The following HCK variants were observed in gnomAD, a reference collection of about 807,000 sequenced individuals.
HCK encodes the protein HCK proto-oncogene, Src family tyrosine kinase, also known as tyrosine-protein kinase HCK.
In HCK, 40 loss-of-function variants were observed where a neutral mutation model predicts 70.4. The observed-to-expected ratio is 0.57, with a 90% confidence interval of 0.44 to 0.74. The LOEUF (loss-of-function observed/expected upper bound fraction) is 0.74. Ranked by LOEUF, HCK falls within the 30% of genes least tolerant of loss-of-function variation. The pLI, the probability that HCK is intolerant of heterozygous loss-of-function variation, is 0.00. For synonymous variants in HCK, 245 were observed against 263.2 expected, an observed-to-expected ratio of 0.93 and a Z score of 0.67; for missense variants, 568 against 697.2, an observed-to-expected ratio of 0.81 and a Z score of 2.09.
intron 10 of HCK, among the ~76,000 whole-genome samples, chr20:32,092,792 T>A (rs927972064): frequency 6.6e-6 from 1 of 151,980 alleles, no homozygotes; most frequent in Non-Finnish European, 1.5e-5. Context: ...CGCCTTTGCA[T>A]CTCATGTTCT....
Position 32,093,886 on chromosome 20 carries a change from C to A in HCK, c.1116C>A (p.Ile372=). The A allele has an allele frequency of 6.2e-7, 1 of 1,612,554 alleles. No individual in the cohort carries two copies. Among genetic ancestry groups the A allele is most frequent in the Non-Finnish European group, 8.5e-7 (1 of 1,179,402 alleles). The change falls in exon 11 of 13, where the codon ATC becomes ATA. Residue 372 remains isoleucine (I), a synonymous_variant. Coordinates refer to ENST00000375852, the MANE Select transcript of HCK (RefSeq NM_002110.5). Reference sequence around the variant, plus strand: ...AGATTGCAGAAGGCATGGCCTTCATCGAGCAGAGGAACTACATCCACCGAG... The same window carrying A: ...AGATTGCAGAAGGCATGGCCTTCATAGAGCAGAGGAACTACATCCACCGAG...
chr20:32,061,037 G>A (rs944751438), intron 1 of HCK, among the ~76,000 whole-genome samples: 2 of 152,034 alleles, frequency 1.3e-5, no homozygotes, highest in Non-Finnish European at 2.9e-5. Flanking sequence ...AGGCTGGAGT[G>A]CAGTGGCGCA....
chr20:32,055,992 C>G (rs76650041), intron 1 of HCK, among the ~76,000 whole-genome samples: 2,361 of 152,340 alleles, frequency 0.015, 64 homozygotes, highest in African/African-American at 0.053. Flanking sequence ...ATGGTGGCAA[C>G]TATTAGTACT....
chr20:32,072,139 G>A, intron 2 of HCK: 1 of 238,926 alleles, frequency 4.2e-6, no homozygotes. Context: ...GGTAGTATCA[G>A]CAGCATTGCA....
At chr20:32,082,532 C>T (rs2045722309) in intron 6 of HCK, among the ~76,000 whole-genome samples, 1 of 152,020 alleles carries the variant, frequency 6.6e-6, no homozygotes. Flanking sequence ...ATCCCAGCTA[C>T]TCAGGAGGCT....
In HCK at chr20:32,079,896, A is replaced by T; in HGVS notation, c.532+19A>T. 6.5e-7 allele frequency: 1 copy of T among 1,547,500 alleles called. No homozygotes were observed. The highest frequency in any genetic ancestry group is 8.9e-7 in the Non-Finnish European group (1 of 1,121,136). ...ACTAAAGGTGACACCAGCCCTCCCC[A>T]CCTTGTCCTCCCTGCCGAGGTGCCC... On this transcript the variant is annotated intron_variant, in intron 6 of 12. Transcript: ENST00000375852.
In HCK at chr20:32,079,804, C is replaced by T. The variant is rs953703146; in HGVS notation, c.459C>T (p.Asp153=). The T allele has an allele frequency of 1.7e-5, 28 of 1,614,084 alleles. No individual in the cohort carries two copies. Among genetic ancestry groups the T allele is most frequent in the Admixed American group, 3.3e-5 (2 of 60,022 alleles). The stretch of plus-strand genomic sequence containing the variant: ...TTTTCAAGGGCATCAGCCGGAAGGA[C>T]GCAGAGCGCCAACTGCTGGCTCCCG... Residue 153 remains aspartate (D), a synonymous_variant, in exon 6 of 13, where the codon GAC becomes GAT. Transcript: ENST00000375852.
rs372761182 is a variant in HCK, at chr20:32,083,923, G to A, written c.562G>A (p.Asp188Asn). 45 of 1,614,046 alleles carry A rather than the reference G, an allele frequency of 2.8e-5. No homozygotes were observed. Among genetic ancestry groups the A allele is most frequent in the Non-Finnish European group, 3.2e-5 (38 of 1,180,040 alleles). ...CTACTCTTTGTCCGTGCGAGACTAC[G>A]ACCCTCGGCAGGGAGATACCGTGAA... The change falls in exon 7 of 13, where the codon GAC becomes AAC. Residue 188 changes from aspartate to asparagine, a missense_variant. This residue lies in a region of HCK where 318 missense variants were observed against 336.0 expected (regional missense o/e 0.95). Coordinates refer to ENST00000375852, the MANE Select transcript of HCK (RefSeq NM_002110.5).
chr20:32,062,930 G>A (rs1227706615), intron 1 of HCK, among the ~76,000 whole-genome samples: 1 of 152,180 alleles, frequency 6.6e-6, no homozygotes, highest in Non-Finnish European at 1.5e-5. Context: ...GAAAGTTCCT[G>A]TAACTGAACA....
chr20:32,053,098 C>T (rs937277935), intron 1 of HCK, among the ~76,000 whole-genome samples: 1 of 152,136 alleles, frequency 6.6e-6, no homozygotes, highest in Admixed American at 6.5e-5. Flanking sequence ...TCTCCGCCTC[C>T]GAATTCGTTT....
intron 6 of HCK, among the ~76,000 whole-genome samples, chr20:32,083,046 G>C (rs2045729165): frequency 6.6e-6 from 1 of 152,118 alleles, no homozygotes; most frequent in African/African-American, 2.4e-5. Context: ...CCTTCTGGAG[G>C]CTTCAGGGGA....
intron 12 of HCK, among the ~76,000 whole-genome samples, chr20:32,100,506 AC>A (rs1396803639): frequency 3.3e-5 from 5 of 152,204 alleles, no homozygotes; most frequent in Non-Finnish European, 7.3e-5. Context: ...CTGGCTTTGC[AC>A]CACAGGGTGG....
rs369313038 is a variant in HCK at position 32,083,943 on chromosome 20, C to T, written c.582C>T (p.Thr194=). The T allele has an allele frequency of 3.4e-5, 55 of 1,614,154 alleles. 1 individual carries two copies. Among genetic ancestry groups the T allele is most frequent in the South Asian group, 2.1e-4 (19 of 91,086 alleles). ...ACTACGACCCTCGGCAGGGAGATAC[C>T]GTGAAACATTACAAGATCCGGACCC... Residue 194 remains threonine (T), a synonymous_variant, in exon 7 of 13, where the codon ACC becomes ACT. Transcript: ENST00000375852.
intron 5 of HCK, among the ~76,000 whole-genome samples, chr20:32,075,681 GTCATCCATCCATCCATCCATCCAT>G (rs1271336165): frequency 2.6e-5 from 4 of 151,040 alleles, no homozygotes; most frequent in Non-Finnish European, 2.9e-5. Context: ...ATATACTTCA[GTCATCCATCCATCCATCCATCCAT>G]TCATCCATCC....
intron 1 of HCK, among the ~76,000 whole-genome samples, chr20:32,065,538 C>T (rs780785338): frequency 7.2e-5 from 11 of 152,202 alleles, no homozygotes; most frequent in Admixed American, 1.3e-4. Context: ...TGGCTTCACT[C>T]TAAAGCAGCT....
At chr20:32,085,501 G>C (rs1277645604) in intron 8 of HCK, among the ~76,000 whole-genome samples, 1 of 152,076 alleles carries the variant, frequency 6.6e-6, no homozygotes, top group African/African-American at 2.4e-5. Context: ...GAGACAGAGT[G>C]AGACTCTGTC....
intron 1 of HCK, among the ~76,000 whole-genome samples, chr20:32,064,229 G>A (rs1245655994): frequency 6.6e-6 from 1 of 151,794 alleles, no homozygotes; most frequent in African/African-American, 2.4e-5. Flanking sequence ...CCTGACCTCT[G>A]GTGATCCACC....
chr20:32,071,112 A>G (rs371916148), intron 1 of HCK, among the ~76,000 whole-genome samples: 3 of 152,212 alleles, frequency 2.0e-5, no homozygotes, highest in Non-Finnish European at 4.4e-5. Context: ...AAAAATGGCA[A>G]TTTATCATCT....
At chr20:32,064,880 C>T (rs541647134) in intron 1 of HCK, among the ~76,000 whole-genome samples, 3 of 152,318 alleles carry the variant, frequency 2.0e-5, no homozygotes, top group African/African-American at 2.4e-5. Flanking sequence ...TTCCCAGGGA[C>T]GGCAGTGGCC....
Sources: allele counts gnomAD v4.1 joint callset (sites outside exome capture counted in the v4.1 genomes callset), GRCh38; gene constraint gnomAD v4.1.1; regional missense constraint gnomAD v4.1.1; transcripts MANE v1.5; gene names NCBI Gene and HGNC (gene_info 2026-07-23, HGNC 2026-07-21).